CDC16: variants seen among roughly 807,000 people sequenced by gnomAD.
The protein encoded by CDC16 is cell division cycle protein 16 homolog.
A neutral mutation model predicts 87.0 loss-of-function variants in CDC16; 34 were observed. The observed-to-expected ratio is 0.39, with a 90% CI of 0.30 to 0.52. The LOEUF is 0.52. CDC16 is among the 20% of genes least tolerant of loss of function. The pLI, the probability that CDC16 is intolerant of heterozygous loss-of-function variation, is 0.74. For missense variants in CDC16, 653 were observed against 751.9 expected (o/e 0.87, Z 1.54); for synonymous variants, 263 against 260.6 (o/e 1.01, Z -0.09).
intron 11 of CDC16, among the ~76,000 whole-genome samples, chr13:114,248,418 C>T (rs1420964792): frequency 1.3e-5 from 2 of 152,142 alleles, no homozygotes; most frequent in East Asian, 1.9e-4. Flanking sequence ...TGGTGGCTCA[C>T]GCCTGTAATC....
At chr13:114,237,097 C>T (rs1284174301) in intron 3 of CDC16, among the ~76,000 whole-genome samples, 2 of 151,656 alleles carry the variant, frequency 1.3e-5, no homozygotes, top group Non-Finnish European at 2.9e-5. Context: ...TGGTGGCAGG[C>T]GCCTGTAATC....
At chr13:114,250,460 C>T in intron 11 of CDC16, 89 bp from the exon 12 acceptor site, 4 of 1,322,394 alleles carry the variant, frequency 3.0e-6, no homozygotes, top group Non-Finnish European at 3.1e-6. Flanking sequence ...CCACTGCACT[C>T]CAGCCTGAGC....
At chr13:114,268,109 A>C (rs2139195242) in intron 17 of CDC16, among the ~76,000 whole-genome samples, 1 of 152,132 alleles carries the variant, frequency 6.6e-6, no homozygotes, top group Non-Finnish European at 1.5e-5. Flanking sequence ...GCTGTCCACC[A>C]AGGGTCCCGA....
chr13:114,266,419 C>G (rs1394097984), intron 17 of CDC16, among the ~76,000 whole-genome samples: 1 of 152,102 alleles, frequency 6.6e-6, no homozygotes, highest in African/African-American at 2.4e-5. Context: ...TGAGTAATAC[C>G]CATTGTAAAG....
At chr13:114,262,041 A>G (rs12430336) in intron 15 of CDC16, 93 bp downstream of exon 15, 74,203 of 708,432 alleles carry the variant, frequency 0.1, 6,246 homozygotes, top group East Asian at 0.43. Flanking sequence ...TCATGAGATC[A>G]ACCAGCTTTC....
chr13:114,237,160 G>T (rs2081293714), intron 3 of CDC16, among the ~76,000 whole-genome samples: 1 of 151,724 alleles, frequency 6.6e-6, no homozygotes, highest in Admixed American at 6.6e-5. Context: ...GGAGGTGGAG[G>T]TTGCAGTGAG....
chr13:114,262,059 T>C (rs2082891369), intron 15 of CDC16, 111 bp downstream of exon 15: 9 of 594,294 alleles, frequency 1.5e-5, no homozygotes, highest in Non-Finnish European at 2.4e-5. Flanking sequence ...TTCTTGTACT[T>C]GGCTGCTCAG....
At chr13:114,269,686 A>C (rs967804426) in intron 17 of CDC16, among the ~76,000 whole-genome samples, 3 of 152,108 alleles carry the variant, frequency 2.0e-5, no homozygotes, top group Non-Finnish European at 4.4e-5. Flanking sequence ...AACATGCATC[A>C]GTTTCACAGA....
intron 12 of CDC16, among the ~76,000 whole-genome samples, chr13:114,251,091 A>G (rs920036527): frequency 7.2e-5 from 11 of 152,236 alleles, no homozygotes; most frequent in Admixed American, 2.0e-4. Flanking sequence ...AATGTATTGA[A>G]ACTAAGAATG....
chr13:114,257,390 A>G (rs1222263168), intron 13 of CDC16, among the ~76,000 whole-genome samples, 160 bp downstream of exon 13: 2 of 152,216 alleles, frequency 1.3e-5, no homozygotes, highest in African/African-American at 4.8e-5. Context: ...AGAAACTGTT[A>G]TCTTGGATTT....
At chr13:114,238,202 C>T (rs139397323) in intron 3 of CDC16, among the ~76,000 whole-genome samples, 144 of 148,058 alleles carry the variant, frequency 9.7e-4, no homozygotes, top group African/African-American at 3.5e-3. Context: ...GTTATTCACA[C>T]TGAGGGCCTG....
intron 9 of CDC16, chr13:114,245,766 T>C: frequency 2.2e-6 from 1 of 453,240 alleles, no homozygotes; most frequent in South Asian, 2.8e-5. Flanking sequence ...TGCTGTATCC[T>C]CTGCAGTATT....
chr13:114,241,048 G>A (rs2081526710), intron 5 of CDC16, among the ~76,000 whole-genome samples: 1 of 151,920 alleles, frequency 6.6e-6, no homozygotes, highest in Non-Finnish European at 1.5e-5. Context: ...AATGATACTA[G>A]CTGCCTGTTG....
rs750308961 is a variant in CDC16 at position 114,261,854 on chromosome 13, A to G, written c.1315-33A>G. 7 of 1,512,950 alleles carry G rather than the reference A, an allele frequency of 4.6e-6. No homozygotes were observed. The Admixed American group carries it at 5.7e-5, about 12-fold the overall frequency. 93.7% of individuals were successfully genotyped at this position (1,512,950 alleles called of 1,614,324 possible). On this transcript the variant is annotated intron_variant, in intron 14 of 17. Transcript: ENST00000356221. ...CAAATCAGGCTGAACAGTGACATAT[A>G]TAACTCGTGGGCTTGATGTTGCTAT...
intron 17 of CDC16, among the ~76,000 whole-genome samples, chr13:114,268,354 G>A (rs1211503080): frequency 6.6e-6 from 1 of 152,250 alleles, no homozygotes; most frequent in Non-Finnish European, 1.5e-5. Flanking sequence ...GGTGAACAAA[G>A]ATTGAACAAA....
chr13:114,235,644 A>G (rs1417293332), intron 1 of CDC16, among the ~76,000 whole-genome samples: 4 of 152,200 alleles, frequency 2.6e-5, no homozygotes, highest in East Asian at 1.9e-4. Flanking sequence ...TAAGGCAAGA[A>G]GTGTCTTCGA....
intron 5 of CDC16, among the ~76,000 whole-genome samples, chr13:114,240,867 A>T (rs2081512722): frequency 6.6e-6 from 1 of 152,052 alleles, no homozygotes; most frequent in Non-Finnish European, 1.5e-5. Context: ...GGGACCTCTT[A>T]TCCATTAACT....
intron 11 of CDC16, among the ~76,000 whole-genome samples, chr13:114,248,546 T>TG (rs1455128617): frequency 6.6e-6 from 1 of 152,008 alleles, no homozygotes; most frequent in Non-Finnish European, 1.5e-5. Flanking sequence ...CTGGACATGG[T>TG]GGCATGCACC....
At chr13:114,239,685 C>T (rs756866251) in intron 5 of CDC16, among the ~76,000 whole-genome samples, 195 bp downstream of exon 5, 6 of 152,134 alleles carry the variant, frequency 3.9e-5, no homozygotes, top group African/African-American at 7.2e-5. Flanking sequence ...TAATTGTATC[C>T]GCAGATGCCT....
Sources: gnomAD v4.1 joint callset for allele counts (sites outside exome capture counted in the v4.1 genomes callset) on GRCh38, gnomAD v4.1.1 for gene constraint, MANE v1.5 for transcripts, NCBI Gene and HGNC (gene_info 2026-07-23, HGNC 2026-07-21) for gene names.